Variants in PTPRD observed in about 807,000 individuals in gnomAD.
The protein encoded by PTPRD is receptor-type tyrosine-protein phosphatase delta.
A neutral mutation model predicts 214.5 loss-of-function variants in PTPRD; 34 were observed. The observed-to-expected ratio is 0.16, with a 90% CI of 0.12 to 0.21. PTPRD has a LOEUF of 0.21. Among genes scored for constraint, PTPRD ranks in the 10% least tolerant of loss-of-function variants. PTPRD has a pLI of 1.00. For missense variants in PTPRD, 2,545 were observed against 2,398.7 expected, an observed-to-expected ratio of 1.06 and a Z score of -1.27; for synonymous variants, 1,128 against 845.7, an observed-to-expected ratio of 1.33 and a Z score of -5.79.
chr9:9,078,938 G>T (rs549453032), intron 10 of PTPRD, among the ~76,000 whole-genome samples: 2 of 152,094 alleles, frequency 1.3e-5, no homozygotes, highest in East Asian at 3.9e-4. Flanking sequence ...TACTCATAAT[G>T]TTGAGTGATC....
At chr9:9,415,855 C>T (rs927249014) in intron 8 of PTPRD, among the ~76,000 whole-genome samples, 6 of 152,044 alleles carry the variant, frequency 3.9e-5, no homozygotes, top group Admixed American at 1.3e-4. Flanking sequence ...TTCATTGTCC[C>T]GGTTAGTCGG....
chr9:10,528,993 A>T (rs1405332856), intron 2 of PTPRD, among the ~76,000 whole-genome samples: 1 of 152,164 alleles, frequency 6.6e-6, no homozygotes, highest in African/African-American at 2.4e-5. Context: ...TGTGCCGGAA[A>T]AATTTATGGC....
At chr9:9,885,647 C>T (rs2070590906) in intron 5 of PTPRD, among the ~76,000 whole-genome samples, 1 of 151,884 alleles carries the variant, frequency 6.6e-6, no homozygotes, top group African/African-American at 2.4e-5. Context: ...TGAAATGTGG[C>T]CATGGAAAGA....
chr9:9,129,298 G>A (rs900293804), intron 10 of PTPRD, among the ~76,000 whole-genome samples: 9 of 152,210 alleles, frequency 5.9e-5, no homozygotes, highest in East Asian at 3.9e-4. Flanking sequence ...GCTGAGGCAT[G>A]AGAATCACTG....
chr9:8,659,404 A>T (rs559793684), intron 12 of PTPRD, among the ~76,000 whole-genome samples: 71 of 152,332 alleles, frequency 4.7e-4, no homozygotes, highest in Non-Finnish European at 8.4e-4. Flanking sequence ...TATCCCATCA[A>T]GAGTCCTCCA....
At chr9:9,432,704 A>G (rs1256259741) in intron 8 of PTPRD, among the ~76,000 whole-genome samples, 2 of 152,232 alleles carry the variant, frequency 1.3e-5, no homozygotes. Flanking sequence ...ATGCTAAGCA[A>G]TACATATGGA....
chr9:9,133,764 G>C lies in PTPRD; in HGVS notation c.-143+49540C>G, dbSNP rs563805001. On this transcript the variant is annotated intron_variant, in intron 10 of 45. Transcript: ENST00000381196. ...ACTTTTCAATTGTTTTTTATCAGGA[G>C]AAACAGCACAGGGCTTTAGGGAACA... Among the ~76,000 whole-genome samples the C allele has an allele frequency of 2.3e-3, 352 of 152,258 alleles. 2 individuals carry two copies. The highest frequency in any genetic ancestry group is 7.8e-3 in the African/African-American group (325 of 41,556).
chr9:9,259,275 C>T (rs926163010), intron 9 of PTPRD, among the ~76,000 whole-genome samples: 1 of 151,830 alleles, frequency 6.6e-6, no homozygotes, highest in African/African-American at 2.4e-5. Context: ...AAGAGAAAGA[C>T]CCACAGAGGT....
intron 11 of PTPRD, among the ~76,000 whole-genome samples, chr9:8,778,333 C>T (rs748550526): frequency 6.6e-5 from 10 of 152,056 alleles, no homozygotes; most frequent in Non-Finnish European, 1.5e-4. Context: ...ACCAAAGTTC[C>T]TTTCTTCTTT....
chr9:8,823,969 T>TA (rs2097127370), intron 11 of PTPRD, among the ~76,000 whole-genome samples: 1 of 152,198 alleles, frequency 6.6e-6, no homozygotes, highest in South Asian at 2.1e-4. Flanking sequence ...CTTCCCTTTT[T>TA]AGATTGTATA....
At chr9:10,050,064 G>A (rs1303927895) in intron 3 of PTPRD, among the ~76,000 whole-genome samples, 1 of 152,112 alleles carries the variant, frequency 6.6e-6, no homozygotes, top group Non-Finnish European at 1.5e-5. Flanking sequence ...CCTATTACCA[G>A]CACCTGGAAT....
chr9:10,508,125 A>C (rs1042911277), intron 2 of PTPRD, among the ~76,000 whole-genome samples: 9 of 152,346 alleles, frequency 5.9e-5, no homozygotes, highest in Admixed American at 5.9e-4. Context: ...CCCATCAAAA[A>C]GTGGGTGAAG....
intron 10 of PTPRD, among the ~76,000 whole-genome samples, chr9:9,043,744 G>C (rs542153355): frequency 6.6e-6 from 1 of 151,652 alleles, no homozygotes; most frequent in East Asian, 1.9e-4. Context: ...ACTCTACTAA[G>C]AATTCAAAAA....
intron 10 of PTPRD, among the ~76,000 whole-genome samples, chr9:9,032,032 T>A (rs2099607212): frequency 6.6e-6 from 1 of 152,012 alleles, no homozygotes; most frequent in Admixed American, 6.6e-5. Context: ...TTTTTCATTA[T>A]AAAAAGCTTT....
At chr9:9,709,712 TA>T (rs578198062) in intron 7 of PTPRD, among the ~76,000 whole-genome samples, 70 of 152,116 alleles carry the variant, frequency 4.6e-4, no homozygotes, top group Middle Eastern at 3.4e-3. Context: ...AAGCAAATCT[TA>T]AAGGGGCAAA....
chr9:8,763,310 G>A (rs1048853633), intron 11 of PTPRD, among the ~76,000 whole-genome samples: 1 of 151,900 alleles, frequency 6.6e-6, no homozygotes, highest in Non-Finnish European at 1.5e-5. Flanking sequence ...CCAGGAGTTC[G>A]AGACCAGCCT....
At chr9:8,454,496 C>T (rs993053296) in intron 33 of PTPRD, 20 of 1,457,514 alleles carry the variant, frequency 1.4e-5, no homozygotes, top group Non-Finnish European at 1.7e-5. Context: ...TGCAGCCCCG[C>T]CCTCCCCTCT....
intron 11 of PTPRD, among the ~76,000 whole-genome samples, chr9:8,955,615 A>T (rs1040822062): frequency 6.6e-6 from 1 of 151,210 alleles, no homozygotes; most frequent in Admixed American, 6.6e-5. Context: ...TCTGTTTTTT[A>T]TTTTTTATTT....
At chr9:9,019,057 G>C (rs769470762) in intron 10 of PTPRD, among the ~76,000 whole-genome samples, 16 of 151,972 alleles carry the variant, frequency 1.1e-4, no homozygotes, top group Non-Finnish European at 1.6e-4. Context: ...GAACCATCAA[G>C]TATCATTCAA....
Sources: gnomAD v4.1 joint callset for allele counts (sites outside exome capture counted in the v4.1 genomes callset) on GRCh38, gnomAD v4.1.1 for gene constraint, MANE v1.5 for transcripts, NCBI Gene and HGNC (gene_info 2026-07-23, HGNC 2026-07-21) for gene names.